The following PPFIBP1 variants were observed in gnomAD, a reference collection of about 807,000 sequenced individuals.
PPFIBP1 encodes the protein PPFIB scaffold protein 1.
PPFIBP1 carries 112 observed loss-of-function variants against 137.8 expected under a neutral mutation model. The ratio of observed to expected loss-of-function variants is 0.81; its 90% CI spans 0.70 to 0.95. The LOEUF is 0.95. Ranked by LOEUF, PPFIBP1 falls within the 40% of genes least tolerant of loss-of-function variation. The pLI, the probability that PPFIBP1 is intolerant of heterozygous loss-of-function variation, is 0.00. For missense variants in PPFIBP1, 1,083 were observed against 1,196.6 expected (o/e 0.91, Z 1.40); for synonymous variants, 378 against 417.3 (o/e 0.91, Z 1.15).
At chr12:27,524,531 G>A (rs1943493843) in intron 1 of PPFIBP1, among the ~76,000 whole-genome samples, 166 bp downstream of exon 1, 1 of 151,990 alleles carries the variant, frequency 6.6e-6, no homozygotes, top group African/African-American at 2.4e-5. Flanking sequence ...TGGGGGTGGA[G>A]GGGTAGGGCT....
intron 2 of PPFIBP1, among the ~76,000 whole-genome samples, chr12:27,607,003 T>C (rs537677761): frequency 6.6e-6 from 1 of 152,272 alleles, no homozygotes; most frequent in East Asian, 1.9e-4. Flanking sequence ...GAATTTCTGG[T>C]TTATTAAGCA....
intron 13 of PPFIBP1, among the ~76,000 whole-genome samples, chr12:27,668,328 C>T (rs1361038548): frequency 1.3e-5 from 2 of 152,174 alleles, no homozygotes; most frequent in Non-Finnish European, 2.9e-5. Context: ...GTTATCTGCC[C>T]TCCACACACC....
chr12:27,570,404 G>A (rs1035178055), intron 1 of PPFIBP1, among the ~76,000 whole-genome samples: 8 of 152,030 alleles, frequency 5.3e-5, no homozygotes, highest in Admixed American at 1.3e-4. Context: ...TGTGGACATG[G>A]GGTATTAAAA....
intron 1 of PPFIBP1, among the ~76,000 whole-genome samples, chr12:27,542,585 C>A (rs1945789930): frequency 6.6e-6 from 1 of 152,210 alleles, no homozygotes; most frequent in African/African-American, 2.4e-5. Context: ...GAAAATGCTG[C>A]TGTTCTTTTT....
rs555312779 is a variant in PPFIBP1 at position 27,598,955 on chromosome 12, G to A, written c.-36+20716G>A. The stretch of plus-strand genomic sequence containing the variant: ...TGTAATAAAGCTTCTTGAAGTTTTA[G>A]AAATGATAGTATGTTGTGGATTTAT... On this transcript the variant is annotated intron_variant, in intron 2 of 29. Coordinates refer to ENST00000228425, the MANE Select transcript of PPFIBP1 (RefSeq NM_003622.4). Among the ~76,000 whole-genome samples the A allele has an allele frequency of 1.5e-4, 23 of 152,310 alleles. No homozygotes were observed. In the East Asian group the frequency reaches 4.2e-3, roughly 28 times the overall value.
intron 2 of PPFIBP1, among the ~76,000 whole-genome samples, chr12:27,620,205 T>G (rs2056201897): frequency 6.6e-6 from 1 of 152,222 alleles, no homozygotes; most frequent in African/African-American, 2.4e-5. Context: ...ATGTCATTCC[T>G]TGGCTCAGAA....
intron 11 of PPFIBP1, among the ~76,000 whole-genome samples, chr12:27,662,273 G>A (rs1437145317): frequency 6.6e-6 from 1 of 152,208 alleles, no homozygotes; most frequent in Admixed American, 6.5e-5. Context: ...GGATTGTGCT[G>A]GAACATGAAG....
At chr12:27,581,640 T>G (rs548534131) in intron 2 of PPFIBP1, among the ~76,000 whole-genome samples, 1 of 152,292 alleles carries the variant, frequency 6.6e-6, no homozygotes, top group Non-Finnish European at 1.5e-5. Context: ...TATGTGGGGA[T>G]TGGGGTTTTC....
chr12:27,692,540 T>G, intron 28 of PPFIBP1, 51 bp from the exon 29 acceptor site: 1 of 1,560,576 alleles, frequency 6.4e-7, no homozygotes, highest in South Asian at 1.1e-5. Flanking sequence ...TGCTGCACTT[T>G]CCCTGAAATT....
rs186538039 is a variant in PPFIBP1, at chr12:27,528,313, C to T, written c.-124+3948C>T. Among the ~76,000 whole-genome samples, 33 of 152,222 alleles carry T rather than the reference C, an allele frequency of 2.2e-4. 1 individual carries two copies. The highest frequency in any genetic ancestry group is 7.9e-4 in the African/African-American group (33 of 41,538). The stretch of plus-strand genomic sequence containing the variant: ...TTCTGGCCAGCATTTTCTGTTCAAC[C>T]AAAGGTGGATAACTTCACAATTAAA... On this transcript the variant is annotated intron_variant, in intron 1 of 29. Coordinates refer to ENST00000228425, the MANE Select transcript of PPFIBP1 (RefSeq NM_003622.4).
At chr12:27,581,786 G>A (rs550055644) in intron 2 of PPFIBP1, among the ~76,000 whole-genome samples, 3 of 152,146 alleles carry the variant, frequency 2.0e-5, no homozygotes, top group African/African-American at 7.2e-5. Context: ...TAATTGGTTC[G>A]TGATAACTGG....
At position 27,658,949 on chromosome 12, in the gene PPFIBP1, T is replaced by TAAA. The variant is rs906461171; in HGVS notation, c.844+102_844+104dup. ...TAAAACATTTCTCTCACCAAAGATGTAAAGTTGCTTCATCAATAAGCCCTC... is the reference window on the plus strand; with the variant it reads ...TAAAACATTTCTCTCACCAAAGATGTAAAAAAGTTGCTTCATCAATAAGCCCTC... On this transcript the variant is annotated intron_variant, in intron 10 of 29. Coordinates refer to ENST00000228425, the MANE Select transcript of PPFIBP1 (RefSeq NM_003622.4). The TAAA allele has an allele frequency of 2.5e-6, 3 of 1,214,432 alleles. No homozygotes were observed. In the Admixed American group the frequency reaches 6.5e-5, roughly 26 times the overall value. The allele number at this position is 1,214,432 out of a possible 1,614,324, so 75.2% of individuals were successfully genotyped here.
rs750756725 is a variant in PPFIBP1, at chr12:27,667,287, T to C, written c.1113T>C (p.Ser371=). ...PSPTPVMGSP[S]CDPFNTSVPE... is the part of the protein sequence containing the mutation. Reference sequence around the variant, plus strand: ...CCACTCCAGTAATGGGATCTCCCAGTTGTGACCCATTTAACACAAGTGTTC... The same window carrying C: ...CCACTCCAGTAATGGGATCTCCCAGCTGTGACCCATTTAACACAAGTGTTC... Residue 371 remains serine (S), a synonymous_variant, in exon 13 of 30, where the codon AGT becomes AGC. Coordinates refer to ENST00000228425, the MANE Select transcript of PPFIBP1 (RefSeq NM_003622.4). The C allele has an allele frequency of 1.1e-5, 17 of 1,610,160 alleles. No homozygotes were observed. The African/African-American group carries it at 1.7e-4, about 16-fold the overall frequency.
In PPFIBP1 at chr12:27,592,539, C is replaced by G. The variant is rs1592694108; in HGVS notation, c.-36+14300C>G. 3 of 1,260,672 alleles carry G rather than the reference C, an allele frequency of 2.4e-6. No individual in the cohort carries two copies. In the East Asian group the frequency reaches 7.0e-5, roughly 29 times the overall value. 78.1% of individuals were successfully genotyped at this position (1,260,672 alleles called of 1,614,324 possible). ...GAAAGAATCGTTTCCTTGGTGCTGG[C>G]TGACGGGGACTCTTGGTGGCTTTCA... On this transcript the variant is annotated intron_variant, in intron 2 of 29. Transcript: ENST00000228425.
At chr12:27,544,865 C>A (rs1474304222) in intron 1 of PPFIBP1, among the ~76,000 whole-genome samples, 2 of 152,038 alleles carry the variant, frequency 1.3e-5, no homozygotes, top group African/African-American at 4.8e-5. Context: ...ACCATTTGAC[C>A]CAGCAATCCC....
At chr12:27,680,107 A>T (rs1328065524) in intron 21 of PPFIBP1, 46 bp downstream of exon 21, 1 of 1,606,788 alleles carries the variant, frequency 6.2e-7, no homozygotes, top group Non-Finnish European at 8.5e-7. Context: ...ACCAAGCATC[A>T]TAGCCTCATG....
intron 28 of PPFIBP1, 60 bp from the exon 29 acceptor site, chr12:27,692,531 G>A (rs186568641): frequency 2.2e-5 from 33 of 1,508,960 alleles, no homozygotes; most frequent in Non-Finnish European, 3.0e-5. Context: ...TGTTCCTCCT[G>A]CTGCACTTTC....
intron 5 of PPFIBP1, 148 bp from the exon 6 acceptor site, chr12:27,647,581 T>C: frequency 1.9e-6 from 1 of 532,562 alleles, no homozygotes; most frequent in East Asian, 3.0e-5. Flanking sequence ...GAGGGACCAC[T>C]GTCTTCTTGG....
intron 1 of PPFIBP1, among the ~76,000 whole-genome samples, chr12:27,540,397 G>A (rs999579629): frequency 1.1e-4 from 16 of 149,776 alleles, no homozygotes; most frequent in Non-Finnish European, 1.8e-4. Context: ...CCTTTGAAAG[G>A]CAAACACCAA....
Sources: gnomAD v4.1 joint callset for allele counts (sites outside exome capture counted in the v4.1 genomes callset) on GRCh38, gnomAD v4.1.1 for gene constraint, MANE v1.5 for transcripts, NCBI Gene and HGNC (gene_info 2026-07-23, HGNC 2026-07-21) for gene names.